RMC1: variants seen among roughly 807,000 people sequenced by gnomAD.
The protein encoded by RMC1 is regulator of MON1-CCZ1.
A neutral mutation model predicts 95.5 loss-of-function variants in RMC1; 44 were observed. The observed-to-expected ratio is 0.46, with a 90% CI of 0.36 to 0.59. The LOEUF is 0.59. Among genes scored for constraint, RMC1 ranks in the 20% least tolerant of loss-of-function variants. The pLI is 0.00. For synonymous variants in RMC1, 320 were observed against 303.6 expected (o/e 1.05, Z -0.56); for missense variants, 705 against 819.6 (o/e 0.86, Z 1.71).
In RMC1 at chr18:23,519,133, G is replaced by A. The variant is rs764730840; in HGVS notation, c.808G>A (p.Val270Met). ...TAGGACGGGAAAGTTTGCCCTGAAC[G>A]TGGTGGACAACCTGGTAGTCGTGCA... ...LNRTGKFALN[V>M]VDNLVVVHHQ... is the part of the protein sequence containing the mutation. The change falls in exon 9 of 20, where the codon GTG (valine) becomes ATG (methionine). Residue 270 changes from valine (V) to methionine (M), a missense_variant. Physicochemically the swap from Val to Met is conservative, Grantham distance 21 (BLOSUM62 1). Transcript: ENST00000269221. 6 of 1,614,210 alleles carry A rather than the reference G, an allele frequency of 3.7e-6. No individual in the cohort carries two copies. Among genetic ancestry groups the A allele is most frequent in the East Asian group, 2.2e-5 (1 of 44,890 alleles).
At chr18:23,505,735 C>T (rs181703301) in intron 2 of RMC1, among the ~76,000 whole-genome samples, 1 of 152,082 alleles carries the variant, frequency 6.6e-6, no homozygotes, top group East Asian at 1.9e-4. Flanking sequence ...CATAGGCAAT[C>T]AAGGGATACT....
At chr18:23,508,440 T>A (rs1461109271) in intron 4 of RMC1, among the ~76,000 whole-genome samples, 7 of 152,194 alleles carry the variant, frequency 4.6e-5, no homozygotes, top group Non-Finnish European at 8.8e-5. Flanking sequence ...TTTCCTTTCC[T>A]CAATTTGTTG....
chr18:23,526,800 G>C, intron 13 of RMC1, 35 bp downstream of exon 13: 2 of 1,609,422 alleles, frequency 1.2e-6, no homozygotes, highest in East Asian at 2.2e-5. Flanking sequence ...TCTGATTCCA[G>C]TGTGAGGCCT....
At chr18:23,523,146 T>C (rs2058188377) in intron 10 of RMC1, among the ~76,000 whole-genome samples, 1 of 152,184 alleles carries the variant, frequency 6.6e-6, no homozygotes, top group African/African-American at 2.4e-5. Context: ...CGCCAAAGCT[T>C]GTCTGCCTGG....
At chr18:23,527,960 C>T (rs1220377832) in intron 14 of RMC1, 59 bp downstream of exon 14, 1 of 1,364,470 alleles carries the variant, frequency 7.3e-7, no homozygotes, top group African/African-American at 1.5e-5. Context: ...CGGGTATTTT[C>T]TAAGTAATTA....
chr18:23,520,095 C>T (rs1019476870), intron 9 of RMC1, 107 bp from the exon 10 acceptor site: 1 of 806,578 alleles, frequency 1.2e-6, no homozygotes, highest in Non-Finnish European at 2.1e-6. Context: ...GGAGGAAATG[C>T]AAACACAGGC....
chr18:23,529,499 G>A (rs2058419153), intron 15 of RMC1, 136 bp from the exon 16 acceptor site: 9 of 1,248,046 alleles, frequency 7.2e-6, no homozygotes, highest in East Asian at 2.4e-5. Flanking sequence ...GTTCTGGAGC[G>A]ATGTGTGCAA....
In RMC1 at chr18:23,529,766, A is replaced by C. The variant is rs893413845; in HGVS notation, c.1494+54A>C. ...AAAACAGAAGGAATTTAAAAAAAAA[A>C]CACAGTCACTGTCTTAGAAGATGAC... On this transcript the variant is annotated intron_variant, in intron 16 of 19. Transcript: ENST00000269221. 3.3e-6 allele frequency: 5 copies of C among 1,508,160 alleles called. No individual in the cohort carries two copies. The African/African-American group carries it at 5.5e-5, about 17-fold the overall frequency. 93.4% of individuals were successfully genotyped at this position (1,508,160 alleles called of 1,614,324 possible). A position where few individuals can be genotyped will look rare whatever the true frequency, so the allele number is the denominator to read the frequency against.
intron 7 of RMC1, 125 bp from the exon 8 acceptor site, chr18:23,518,765 C>T (rs1374570253): frequency 1.0e-5 from 8 of 778,204 alleles, no homozygotes; most frequent in African/African-American, 1.7e-5. Context: ...TCTTTGTAAA[C>T]ACTTGTTGGC....
intron 10 of RMC1, among the ~76,000 whole-genome samples, chr18:23,523,562 A>AAG (rs2058205377): frequency 6.7e-6 from 1 of 149,670 alleles, no homozygotes; most frequent in Non-Finnish European, 1.5e-5. Flanking sequence ...AAAAAAAAAA[A>AAG]AAAAAAAGAA....
At chr18:23,517,192 C>T (rs2058030911) in intron 7 of RMC1, among the ~76,000 whole-genome samples, 1 of 151,080 alleles carries the variant, frequency 6.6e-6, no homozygotes, top group Admixed American at 6.6e-5. Context: ...GCTCTGTTGC[C>T]AGGCTGGAGT....
rs1417461454 is a variant in RMC1 at position 23,530,402 on chromosome 18, A to C, written c.1684A>C (p.Asn562His). ...TTACTGCTAGCGACTTTCAACAGCA[A>C]ATGATGAAATAGTAGAAGTTCTCCT... The part of the protein sequence containing the change: ...LDMLKRLSTA[N>H]DEIVEVLLSK... The change falls in exon 19 of 20, where the codon AAT becomes CAT. Residue 562 changes from asparagine (N) to histidine (H), a missense_variant. By Grantham distance (68) the Asn-to-His change is moderately conservative. Coordinates refer to ENST00000269221, the MANE Select transcript of RMC1 (RefSeq NM_013326.5). 5 of 1,614,208 alleles carry C rather than the reference A, an allele frequency of 3.1e-6. No homozygotes were observed. The highest frequency in any genetic ancestry group is 1.3e-5 in the African/African-American group (1 of 75,050).
chr18:23,505,361 C>A (rs1488139271), intron 2 of RMC1, among the ~76,000 whole-genome samples: 1 of 152,180 alleles, frequency 6.6e-6, no homozygotes, highest in Non-Finnish European at 1.5e-5. Flanking sequence ...TGCACCCGGC[C>A]TGAGCAAGGT....
intron 2 of RMC1, among the ~76,000 whole-genome samples, chr18:23,505,706 G>A (rs1490240770): frequency 6.6e-6 from 1 of 152,186 alleles, no homozygotes; most frequent in Non-Finnish European, 1.5e-5. Flanking sequence ...CAGCGCTCTG[G>A]TGGTGTAGAG....
At position 23,531,755 on chromosome 18, in the gene RMC1, C is replaced by T. The variant is rs745521777; in HGVS notation, c.*51C>T. The T allele has an allele frequency of 6.3e-7, 1 of 1,584,668 alleles. No individual in the cohort carries two copies. Among genetic ancestry groups the T allele is most frequent in the South Asian group, 1.2e-5 (1 of 85,726 alleles). On this transcript the variant is annotated 3_prime_UTR_variant, in exon 20 of 20. Transcript: ENST00000269221. ...AAATGTGTACAAAGTTAATTTATTG[C>T]ATTAATAAAGCTCTTTAAACTATAA...
chr18:23,510,401 A>G (rs889033199), intron 5 of RMC1, among the ~76,000 whole-genome samples: 1 of 152,028 alleles, frequency 6.6e-6, no homozygotes, highest in African/African-American at 2.4e-5. Flanking sequence ...TAATCCCAGC[A>G]CTTTGGGAGA....
At chr18:23,527,133 C>T (rs966290603) in intron 13 of RMC1, among the ~76,000 whole-genome samples, 35 of 148,764 alleles carry the variant, frequency 2.4e-4, no homozygotes, top group African/African-American at 8.8e-4. Context: ...CTTATAATCC[C>T]AGCACTCTGG....
intron 2 of RMC1, 26 bp from the exon 3 acceptor site, chr18:23,506,944 T>C: frequency 6.7e-7 from 1 of 1,503,020 alleles, no homozygotes; most frequent in South Asian, 1.2e-5. Flanking sequence ...GTTATTTAAC[T>C]ACTAACACAA....
At chr18:23,519,007 C>T (rs1445881336) in intron 8 of RMC1, 28 bp downstream of exon 8, 2 of 1,613,402 alleles carry the variant, frequency 1.2e-6, no homozygotes, top group South Asian at 1.1e-5. Context: ...TTTTCCCTCT[C>T]TCTCTGATTT....
Sources: allele counts gnomAD v4.1 joint callset (sites outside exome capture counted in the v4.1 genomes callset), GRCh38; gene constraint gnomAD v4.1.1; transcripts MANE v1.5; gene names NCBI Gene and HGNC (gene_info 2026-07-23, HGNC 2026-07-21).